The following SCOC variants were observed in gnomAD, a reference collection of about 807,000 sequenced individuals.
The protein encoded by SCOC is short coiled-coil protein.
In SCOC, 7 loss-of-function variants were observed where a neutral mutation model predicts 9.9. The ratio of observed to expected loss-of-function variants is 0.71; its 90% confidence interval spans 0.40 to 1.33. The LOEUF is 1.33. Ranked by LOEUF, SCOC falls within the 40% of genes most tolerant of loss-of-function variation. The pLI is 0.01. For synonymous variants in SCOC, 19 were observed against 28.2 expected (o/e 0.67, Z 1.03); for missense variants, 66 against 89.7 (o/e 0.74, Z 1.07).
chr4:140,355,825 C>A (rs1339817809), intron 2 of SCOC, among the ~76,000 whole-genome samples: 4 of 152,040 alleles, frequency 2.6e-5, no homozygotes, highest in Non-Finnish European at 5.9e-5. Context: ...GCGAAGGGAA[C>A]TCGGAAAAAT....
chr4:140,270,130 G>T (rs1219269995), intron 1 of SCOC, among the ~76,000 whole-genome samples: 1 of 152,034 alleles, frequency 6.6e-6, no homozygotes, highest in East Asian at 1.9e-4. Context: ...ATCTTTTATT[G>T]AGTGCCTGCT....
chr4:140,373,652 T>G lies in SCOC; in HGVS notation c.-116T>G. ...AGTGGGCGGAGCTGCCGGGGTCAGT[T>G]GGTCCAAGTGTCCCGGCCTGAGGTG... On this transcript the variant is annotated 5_prime_UTR_variant, in exon 1 of 4. Coordinates refer to ENST00000608372, the MANE Select transcript of SCOC (RefSeq NM_001153484.2). 1 of 1,551,510 alleles carries G rather than the reference T, an allele frequency of 6.4e-7. No individual in the cohort carries two copies. The highest frequency in any genetic ancestry group is 1.2e-5 in the South Asian group (1 of 84,056).
intron 3 of SCOC, among the ~76,000 whole-genome samples, chr4:140,380,300 C>T (rs1006333497): frequency 3.4e-5 from 5 of 148,862 alleles, no homozygotes; most frequent in African/African-American, 1.0e-4. Flanking sequence ...CAGGTTCAAG[C>T]GATTCTCCTG....
chr4:140,291,772 G>C (rs1469224599), intron 1 of SCOC, among the ~76,000 whole-genome samples: 1 of 152,052 alleles, frequency 6.6e-6, no homozygotes, highest in Non-Finnish European at 1.5e-5. Context: ...TCTATTGGGG[G>C]GGCTGTGATA....
rs537591128 is a variant in SCOC, at chr4:140,360,398, CAGAG to C, written c.70+16692_70+16695del. Among the ~76,000 whole-genome samples, 477 of 152,170 alleles carry C rather than the reference CAGAG, an allele frequency of 3.1e-3. 4 individuals are homozygous for C. Among genetic ancestry groups the C allele is most frequent in the African/African-American group, 0.011 (450 of 41,482 alleles). On this transcript the variant is annotated intron_variant, in intron 2 of 4. Transcript: ENST00000338517. Reference sequence around the variant, plus strand: ...ACTTGGAATATCTCCTGACAGTTGTCAGAGACATATGTTATGATGAGGTGATGTC... The same window carrying C: ...ACTTGGAATATCTCCTGACAGTTGTCACATATGTTATGATGAGGTGATGTC...
Position 140,314,822 on chromosome 4 carries a change from C to T in SCOC, c.-18-28799C>T, listed in dbSNP as rs76901641. ...AATGAGATGTCCAGGGCCAGGGGTG[C>T]CACTGGGATCTGAGAGCCCGAACAG... On this transcript the variant is annotated intron_variant, in intron 1 of 4. Transcript: ENST00000394205. Among the ~76,000 whole-genome samples, 567 of 152,206 alleles carry T rather than the reference C, an allele frequency of 3.7e-3. 6 individuals are homozygous for T. The highest frequency in any genetic ancestry group is 8.3e-3 in the African/African-American group (346 of 41,534).
At chr4:140,287,808 C>T (rs1483165132) in intron 1 of SCOC, among the ~76,000 whole-genome samples, 3 of 152,050 alleles carry the variant, frequency 2.0e-5, no homozygotes. Context: ...ATACTCTATA[C>T]ATATACCACA....
At position 140,327,231 on chromosome 4, in the gene SCOC, G is replaced by A. The variant is rs183296621; in HGVS notation, c.-18-16390G>A. Among the ~76,000 whole-genome samples the A allele has an allele frequency of 7.2e-5, 11 of 152,280 alleles. No homozygotes were observed. The East Asian group carries it at 1.5e-3, about 21-fold the overall frequency. On this transcript the variant is annotated intron_variant, in intron 1 of 4. Transcript: ENST00000394205. ...TGATGAACAGAATTTACCTCTGTTC[G>A]AAGAGCGAGGACTCTGTGATTATGT...
chr4:140,345,751 AT>A (rs1726710291), intron 2 of SCOC, among the ~76,000 whole-genome samples: 1 of 152,084 alleles, frequency 6.6e-6, no homozygotes, highest in Admixed American at 6.5e-5. Context: ...GTACATATAC[AT>A]ATATATATGT....
At chr4:140,349,269 G>C (rs1249402147) in intron 2 of SCOC, among the ~76,000 whole-genome samples, 1 of 152,146 alleles carries the variant, frequency 6.6e-6, no homozygotes, top group Non-Finnish European at 1.5e-5. Flanking sequence ...TCTGCTTCTG[G>C]TTAACTATTG....
chr4:140,330,287 G>A (rs1027567748), intron 1 of SCOC, among the ~76,000 whole-genome samples: 2 of 152,148 alleles, frequency 1.3e-5, no homozygotes, highest in African/African-American at 4.8e-5. Flanking sequence ...GGACTTTGCG[G>A]ACTTGGGAGA....
chr4:140,287,808 C>A (rs1483165132), intron 1 of SCOC, among the ~76,000 whole-genome samples: 1 of 152,050 alleles, frequency 6.6e-6, no homozygotes, highest in Non-Finnish European at 1.5e-5. Flanking sequence ...ATACTCTATA[C>A]ATATACCACA....
intron 1 of SCOC, among the ~76,000 whole-genome samples, chr4:140,311,881 A>C (rs1156391384): frequency 6.6e-6 from 1 of 152,196 alleles, no homozygotes; most frequent in Non-Finnish European, 1.5e-5. Context: ...GATTATTATG[A>C]ATAGTAAGAA....
intron 1 of SCOC, among the ~76,000 whole-genome samples, chr4:140,312,877 C>G (rs1359324892): frequency 6.6e-6 from 1 of 152,178 alleles, no homozygotes; most frequent in Non-Finnish European, 1.5e-5. Context: ...AAAAACTCAA[C>G]ATTCTGGCCA....
Position 140,294,073 on chromosome 4 carries a change from A to G in SCOC, c.-19+36663A>G, listed in dbSNP as rs72937786. ...AAAACAAAATACAGAGACACTTGTA[A>G]CCAGGGCCTAAACCCAACACTGGCA... On this transcript the variant is annotated intron_variant, in intron 1 of 4. Coordinates refer to the SCOC transcript ENST00000394205. Among the ~76,000 whole-genome samples the G allele has an allele frequency of 4.2e-3, 636 of 152,318 alleles. 6 individuals carry two copies. The highest frequency in any genetic ancestry group is 0.015 in the African/African-American group (603 of 41,556).
At chr4:140,289,254 C>T (rs752942649) in intron 1 of SCOC, among the ~76,000 whole-genome samples, 14 of 152,228 alleles carry the variant, frequency 9.2e-5, no homozygotes, top group Non-Finnish European at 1.9e-4. Flanking sequence ...CCCACTGGGA[C>T]ACAACACCAC....
rs566586618 is a variant in SCOC at position 140,312,180 on chromosome 4, C to T, written c.-18-31441C>T. Reference sequence around the variant, plus strand: ...CAGACCTAAGATCTAGTGACAACTGCCTCTGGAAGGTCTTGACATGGGCCC... The same window carrying T: ...CAGACCTAAGATCTAGTGACAACTGTCTCTGGAAGGTCTTGACATGGGCCC... On this transcript the variant is annotated intron_variant, in intron 1 of 4. Coordinates refer to the SCOC transcript ENST00000394205. Among the ~76,000 whole-genome samples the T allele has an allele frequency of 3.9e-5, 6 of 152,242 alleles. No individual in the cohort carries two copies. The South Asian group carries it at 6.2e-4, about 16-fold the overall frequency.
At chr4:140,290,265 G>T (rs1731432032) in intron 1 of SCOC, among the ~76,000 whole-genome samples, 1 of 152,242 alleles carries the variant, frequency 6.6e-6, no homozygotes, top group Admixed American at 6.5e-5. Flanking sequence ...TAACTTGTTA[G>T]CTTACAGGCA....
At chr4:140,317,081 C>T (rs1350188640) in intron 1 of SCOC, among the ~76,000 whole-genome samples, 1 of 152,130 alleles carries the variant, frequency 6.6e-6, no homozygotes, top group Non-Finnish European at 1.5e-5. Context: ...TGTCCATGAT[C>T]TTAAGGGCTT....
Sources: gnomAD v4.1 joint callset for allele counts (sites outside exome capture counted in the v4.1 genomes callset) on GRCh38, gnomAD v4.1.1 for gene constraint, MANE v1.5 for transcripts, NCBI Gene and HGNC (gene_info 2026-07-23, HGNC 2026-07-21) for gene names.